The following ANKRD52 variants were observed in gnomAD, a reference collection of about 807,000 sequenced individuals.
ANKRD52 encodes the protein serine/threonine-protein phosphatase 6 regulatory ankyrin repeat subunit C.
A neutral mutation model predicts 116.0 loss-of-function variants in ANKRD52; 7 were observed. That is an observed-to-expected ratio of 0.06 (90% CI 0.03 to 0.11). The LOEUF is 0.11. Among genes scored for constraint, ANKRD52 ranks in the 10% least tolerant of loss-of-function variants. The pLI is 1.00. For missense variants in ANKRD52, 839 were observed against 1,408.6 expected, an observed-to-expected ratio of 0.60 and a Z score of 6.47; for synonymous variants, 528 against 578.1, an observed-to-expected ratio of 0.91 and a Z score of 1.24.
chr12:56,246,949 TAATAATAATAA>T (rs994045352), intron 20 of ANKRD52, among the ~76,000 whole-genome samples: 12 of 145,484 alleles, frequency 8.2e-5, no homozygotes, highest in Non-Finnish European at 1.7e-4. Context: ...ATAATAATAA[TAATAATAATAA>T]TAATAATAAT....
In ANKRD52 at chr12:56,255,529, A is replaced by G. The variant is rs2135893237; in HGVS notation, c.462+255T>C. On this transcript the variant is annotated intron_variant, in intron 5 of 27. Transcript: ENST00000267116. The surrounding 1 kb of genome is among the most constrained non-coding windows in gnomAD (Gnocchi z 4.3). ...TGTAAGTCTTTGCAAATGTGCTGAA[A>G]GACATGGACTCTCTTCAGAAAGGCG... 6.6e-6 allele frequency among the ~76,000 whole-genome samples: 1 copy of G among 152,378 alleles called. No homozygotes were observed. The highest frequency in any genetic ancestry group is 2.1e-4 in the South Asian group (1 of 4,830).
In ANKRD52 at chr12:56,243,139, G is replaced by C. The variant is rs780563906; in HGVS notation, c.*3C>G. ...ACCGGCGGGGGAGGGACACTGGAGG[G>C]GGCTACTCAGAGTAGCAGCCATCTA... On this transcript the variant is annotated 3_prime_UTR_variant, in exon 28 of 28. Transcript: ENST00000267116. This position sits in a 1 kb window ranked among gnomAD's most constrained non-coding sequence, Gnocchi z 4.6. 2 of 1,589,654 alleles carry C rather than the reference G, an allele frequency of 1.3e-6. No homozygotes were observed. Among genetic ancestry groups the C allele is most frequent in the Non-Finnish European group, 1.7e-6 (2 of 1,166,484 alleles).
rs1018964139 is a variant in ANKRD52 at position 56,254,061 on chromosome 12, A to G, written c.906+6T>C. 7 of 1,612,608 alleles carry G rather than the reference A, an allele frequency of 4.3e-6. No homozygotes were observed. In the African/African-American group the frequency reaches 8.0e-5, roughly 18 times the overall value. On this transcript the variant is annotated splice_donor_region_variant and intron_variant, in intron 8 of 27. Coordinates refer to ENST00000267116, the MANE Select transcript of ANKRD52 (RefSeq NM_173595.4). This position sits in a 1 kb window ranked among gnomAD's most constrained non-coding sequence, Gnocchi z 4.6. The stretch of plus-strand genomic sequence containing the variant: ...CCACTGGTCTAAGCCTTATCCCTTC[A>G]GGCACCTGGTAGTTGACGTCAGCCC...
At chr12:56,257,493 C>T (rs1047420979) in intron 2 of ANKRD52, 132 bp from the exon 3 acceptor site, 1 of 866,044 alleles carries the variant, frequency 1.2e-6, no homozygotes. Flanking sequence ...TCCTAAGTCC[C>T]GGTATTGGGA....
At position 56,244,457 on chromosome 12, in the gene ANKRD52, G is replaced by C; in HGVS notation, c.2723-22C>G. 1 of 1,612,602 alleles carries C rather than the reference G, an allele frequency of 6.2e-7. No individual in the cohort carries two copies. Among genetic ancestry groups the C allele is most frequent in the Non-Finnish European group, 8.5e-7 (1 of 1,178,856 alleles). On this transcript the variant is annotated intron_variant, in intron 24 of 27. Coordinates refer to ENST00000267116, the MANE Select transcript of ANKRD52 (RefSeq NM_173595.4). The surrounding 1 kb of genome is among the most constrained non-coding windows in gnomAD (Gnocchi z 4.9). ...AATTCTACGAGAGAAATGTGATAGA[G>C]GGACTGACCCCTCCCTCCAGAGCAG... is the stretch of plus-strand genomic sequence containing the variant.
intron 20 of ANKRD52, among the ~76,000 whole-genome samples, chr12:56,247,226 G>A (rs1027992636): frequency 2.0e-5 from 3 of 150,888 alleles, no homozygotes; most frequent in Non-Finnish European, 4.4e-5. Context: ...TGTGCCTACA[G>A]TTTCAGCTAC....
Position 56,244,693 on chromosome 12 carries a change from G to A in ANKRD52, c.2681C>T (p.Ala894Val), listed in dbSNP as rs1294885547. The A allele has an allele frequency of 1.2e-6, 2 of 1,613,810 alleles. No individual in the cohort carries two copies. Among genetic ancestry groups the A allele is most frequent in the Non-Finnish European group, 1.7e-6 (2 of 1,179,892 alleles). The change falls in exon 24 of 28, where the codon GCG becomes GTG. Residue 894 changes from alanine (A) to valine (V), a missense_variant. Transcript: ENST00000267116. This position sits in a 1 kb window ranked among gnomAD's most constrained non-coding sequence, Gnocchi z 4.9. The part of the protein sequence containing the change: ...VNATDHTGRT[A>V]LMTAAENGQT... ...CCCGTTCTCAGCCGCCGTCATGAGC[G>A]CAGTGCGGCCAGTGTGGTCAGTGGC...
At chr12:56,256,018 G>C in intron 4 of ANKRD52, 34 bp from the exon 5 acceptor site, 1 of 1,535,232 alleles carries the variant, frequency 6.5e-7, no homozygotes, top group Non-Finnish European at 8.8e-7. Flanking sequence ...GAGAGAGTGG[G>C]AGCAGGAGGT....
At chr12:56,257,963 G>C in intron 1 of ANKRD52, 52 bp from the exon 2 acceptor site, 1 of 1,534,508 alleles carries the variant, frequency 6.5e-7, no homozygotes, top group Non-Finnish European at 9.0e-7. Context: ...AGCGGAACCG[G>C]TGTGGGGGTG....
chr12:56,258,370 CA>C lies in ANKRD52; in HGVS notation c.-102del. ...CAGGCGGCGGCTGCGGTGGCGGCTGCAGGGAGAGCGCGGCCCCGCCTACCGG... is the reference window on the plus strand; with the variant it reads ...CAGGCGGCGGCTGCGGTGGCGGCTGCGGGAGAGCGCGGCCCCGCCTACCGG... On this transcript the variant is annotated 5_prime_UTR_variant, in exon 1 of 28. Coordinates refer to ENST00000267116, the MANE Select transcript of ANKRD52 (RefSeq NM_173595.4). The C allele has an allele frequency of 7.9e-7, 1 of 1,266,610 alleles. No individual in the cohort carries two copies. Among genetic ancestry groups the C allele is most frequent in the South Asian group, 2.6e-5 (1 of 38,902 alleles). 78.5% of individuals were successfully genotyped at this position (1,266,610 alleles called of 1,614,324 possible).
rs547433874 is a variant in ANKRD52 at position 56,247,983 on chromosome 12, C to T, written c.1978+40G>A. 63 of 1,544,190 alleles carry T rather than the reference C, an allele frequency of 4.1e-5. No homozygotes were observed. The African/African-American group carries it at 7.9e-4, about 19-fold the overall frequency. On this transcript the variant is annotated intron_variant, in intron 18 of 27. Coordinates refer to ENST00000267116, the MANE Select transcript of ANKRD52 (RefSeq NM_173595.4). ...CCATTCCCATCCAGGAGGGATCTGG[C>T]ATGGCAAGGGTAGGGCAGCAGCCTA...
rs928616439 is a variant in ANKRD52, at chr12:56,250,907, A to G, written c.1592+1108T>C. 7.9e-5 allele frequency among the ~76,000 whole-genome samples: 12 copies of G among 151,822 alleles called. 1 individual carries two copies. The highest frequency in any genetic ancestry group is 7.2e-4 in the Admixed American group (11 of 15,248). ...TTTCGAAAGACAGAAATTTGGGACA[A>G]TTCATCCTTTTTAAATTTTTATTTA... On this transcript the variant is annotated intron_variant, in intron 15 of 27. Coordinates refer to ENST00000267116, the MANE Select transcript of ANKRD52 (RefSeq NM_173595.4).
rs1367468487 is a variant in ANKRD52, at chr12:56,252,347, G to A, written c.1371-32C>T. 3.7e-6 allele frequency: 6 copies of A among 1,611,878 alleles called. No homozygotes were observed. Among genetic ancestry groups the A allele is most frequent in the Non-Finnish European group, 5.1e-6 (6 of 1,178,322 alleles). On this transcript the variant is annotated intron_variant, in intron 13 of 27. Transcript: ENST00000267116. This position sits in a 1 kb window ranked among gnomAD's most constrained non-coding sequence, Gnocchi z 4.7. The stretch of plus-strand genomic sequence containing the variant: ...AAGAAGTGAAGGAGGGTGGGGAAGA[G>A]AATCAGAGACAGATACGAATGCAAT...
Position 56,254,687 on chromosome 12 carries a change from C to G in ANKRD52, c.584G>C (p.Arg195Pro). The change falls in exon 7 of 28, where the codon CGG becomes CCG. Residue 195 changes from arginine (R) to proline (P), a missense_variant. Physicochemically the swap from Arg to Pro is moderately radical, Grantham distance 103. Transcript: ENST00000267116. The surrounding 1 kb of genome is among the most constrained non-coding windows in gnomAD (Gnocchi z 4.6). Reference protein sequence around the residue: ...HLEVLKLLVARGADLGCKDRK... With the variant: ...HLEVLKLLVAPGADLGCKDRK... Reference sequence around the variant, plus strand: ...GTCCTTGCAGCCGAGGTCTGCTCCCCGTGCCACCAGCAGTTTTAGGACCTC... The same window carrying G: ...GTCCTTGCAGCCGAGGTCTGCTCCCGGTGCCACCAGCAGTTTTAGGACCTC... The G allele has an allele frequency of 6.2e-7, 1 of 1,612,744 alleles. No homozygotes were observed. The highest frequency in any genetic ancestry group is 8.5e-7 in the Non-Finnish European group (1 of 1,179,010).
chr12:56,253,130 C>A lies in ANKRD52; in HGVS notation c.1101-44G>T. On this transcript the variant is annotated intron_variant, in intron 10 of 27. Transcript: ENST00000267116. The surrounding 1 kb of genome is among the most constrained non-coding windows in gnomAD (Gnocchi z 5.5). ...ACTCAGTCCTTGGGTCAAGGAGGGA[C>A]CAAGTAAGACCTCTTCTGTGACCTA... 1 of 1,495,964 alleles carries A rather than the reference C, an allele frequency of 6.7e-7. No homozygotes were observed. The highest frequency in any genetic ancestry group is 1.3e-5 in the South Asian group (1 of 77,766). 92.7% of individuals were successfully genotyped at this position (1,495,964 alleles called of 1,614,324 possible). A position where few individuals can be genotyped will look rare whatever the true frequency, so the allele number is the denominator to read the frequency against.
rs1179026004 is a variant in ANKRD52, at chr12:56,252,667, C to T, written c.1302-97G>A. On this transcript the variant is annotated intron_variant, in intron 12 of 27. Coordinates refer to ENST00000267116, the MANE Select transcript of ANKRD52 (RefSeq NM_173595.4). The surrounding 1 kb of genome is among the most constrained non-coding windows in gnomAD (Gnocchi z 4.7). ...GGATGGGACTAGCAAGCCCTTTCTG[C>T]TGTGACTGCTTTCATTGTGAGAGGG... 9.1e-6 allele frequency: 14 copies of T among 1,536,490 alleles called. No individual in the cohort carries two copies. In the East Asian group the frequency reaches 2.9e-4, roughly 32 times the overall value.
At position 56,245,612 on chromosome 12, in the gene ANKRD52, G is replaced by T; in HGVS notation, c.2185-16C>A. The stretch of plus-strand genomic sequence containing the variant: ...CAGTCACTGCCTGTGAGTAACATGG[G>T]GGTGTGAGGGGGATGAAAAGCTCCT... On this transcript the variant is annotated splice_polypyrimidine_tract_variant and intron_variant, in intron 20 of 27. Coordinates refer to ENST00000267116, the MANE Select transcript of ANKRD52 (RefSeq NM_173595.4). The T allele has an allele frequency of 6.3e-7, 1 of 1,599,528 alleles. No individual in the cohort carries two copies.
chr12:56,251,881 C>T, intron 15 of ANKRD52, 134 bp downstream of exon 15: 1 of 955,976 alleles, frequency 1.0e-6, no homozygotes. Flanking sequence ...CCAGAGGGCT[C>T]AAGACACACT....
chr12:56,251,193 G>A (rs1228820180), intron 15 of ANKRD52, among the ~76,000 whole-genome samples: 1 of 150,846 alleles, frequency 6.6e-6, no homozygotes, highest in African/African-American at 2.4e-5. Flanking sequence ...TGCCTGCCTC[G>A]GCCTCCCAAA....
Sources: gnomAD v4.1 joint callset for allele counts (sites outside exome capture counted in the v4.1 genomes callset) on GRCh38, gnomAD v4.1.1 for gene constraint, Gnocchi (gnomAD v3.1) non-coding constraint, MANE v1.5 for transcripts, NCBI Gene and HGNC (gene_info 2026-07-23, HGNC 2026-07-21) for gene names.